The following MALRD1 variants were observed in gnomAD, a reference collection of about 807,000 sequenced individuals.
MALRD1 encodes the protein MAM and LDL receptor class A domain containing 1, also known as MAM and LDL-receptor class A domain-containing protein 1.
Under a neutral mutation model 242.1 loss-of-function variants are expected in MALRD1, and 247 were observed. That is an observed-to-expected ratio of 1.02 (90% CI 0.92 to 1.13). The LOEUF (loss-of-function observed/expected upper bound fraction) is 1.13, where lower values mean the gene tolerates loss of function less well. Ranked by LOEUF, MALRD1 falls within the 50% of genes most tolerant of loss-of-function variation. The pLI, the probability that MALRD1 is intolerant of heterozygous loss-of-function variation, is 0.00. For missense variants in MALRD1, 2,989 were observed against 2,533.1 expected (o/e 1.18, Z -3.86); for synonymous variants, 995 against 866.6 (o/e 1.15, Z -2.60).
At chr10:19,422,251 G>C (rs1479986586) in intron 28 of MALRD1, among the ~76,000 whole-genome samples, 2 of 152,122 alleles carry the variant, frequency 1.3e-5, no homozygotes, top group East Asian at 3.8e-4. Context: ...CAGTACCTTT[G>C]CAATTTTATG....
intron 28 of MALRD1, among the ~76,000 whole-genome samples, chr10:19,422,680 T>C (rs74988061): frequency 0.038 from 5,836 of 152,298 alleles, 323 homozygotes; most frequent in African/African-American, 0.13. Context: ...CTATATTATA[T>C]CATTTTCTAA....
intron 29 of MALRD1, among the ~76,000 whole-genome samples, chr10:19,485,658 A>T (rs1837205230): frequency 6.6e-6 from 1 of 151,314 alleles, no homozygotes; most frequent in African/African-American, 2.4e-5. Context: ...AAAAAAAAAA[A>T]ATAGTAATAA....
intron 33 of MALRD1, among the ~76,000 whole-genome samples, chr10:19,585,360 G>A (rs1736924082): frequency 1.3e-5 from 2 of 151,958 alleles, no homozygotes; most frequent in Admixed American, 1.3e-4. Flanking sequence ...GCAGTGGCTG[G>A]TACCGGTTGT....
chr10:19,188,622 G>A (rs1564453717), intron 14 of MALRD1, among the ~76,000 whole-genome samples: 1 of 152,098 alleles, frequency 6.6e-6, no homozygotes, highest in East Asian at 1.9e-4. Context: ...AGTCTACGGA[G>A]CTACCTTGTT....
chr10:19,438,565 A>G (rs767875746), intron 28 of MALRD1, among the ~76,000 whole-genome samples: 6 of 152,180 alleles, frequency 3.9e-5, no homozygotes, highest in Non-Finnish European at 5.9e-5. Flanking sequence ...TTAGTTTCCT[A>G]TAGAACCTCC....
chr10:19,592,234 A>T (rs757707721), intron 33 of MALRD1, among the ~76,000 whole-genome samples: 46 of 152,314 alleles, frequency 3.0e-4, no homozygotes, highest in South Asian at 1.4e-3. Flanking sequence ...CCTGCAAAGG[A>T]GGGGAGGAAA....
At chr10:19,435,748 C>T (rs2130962822) in intron 28 of MALRD1, among the ~76,000 whole-genome samples, 1 of 152,206 alleles carries the variant, frequency 6.6e-6, no homozygotes, top group East Asian at 1.9e-4. Context: ...AAGTTGCTGT[C>T]CCTTATTTCC....
chr10:19,632,368 C>A (rs1839942403), intron 36 of MALRD1, among the ~76,000 whole-genome samples: 1 of 152,068 alleles, frequency 6.6e-6, no homozygotes, highest in African/African-American at 2.4e-5. Flanking sequence ...GGAAGCCAGC[C>A]AACCAGGCAA....
At chr10:19,063,475 C>T (rs1834882018) in intron 1 of MALRD1, among the ~76,000 whole-genome samples, 1 of 152,068 alleles carries the variant, frequency 6.6e-6, no homozygotes. Context: ...AAAACGTATC[C>T]TACTCATTCC....
At chr10:19,576,964 G>GTGTT (rs1836860737) in intron 33 of MALRD1, among the ~76,000 whole-genome samples, 3 of 123,398 alleles carry the variant, frequency 2.4e-5, no homozygotes, top group South Asian at 2.6e-4. Context: ...CCACATTGTC[G>GTGTT]TTTTTTTTTT....
At chr10:19,253,332 G>T (rs1017877639) in intron 18 of MALRD1, among the ~76,000 whole-genome samples, 22 of 151,972 alleles carry the variant, frequency 1.4e-4, no homozygotes, top group African/African-American at 3.6e-4. Flanking sequence ...TTGAGAAAAA[G>T]ACATGAAAGT....
At chr10:19,559,604 C>G (rs1246868740) in intron 32 of MALRD1, among the ~76,000 whole-genome samples, 2 of 151,962 alleles carry the variant, frequency 1.3e-5, no homozygotes, top group Non-Finnish European at 2.9e-5. Context: ...ACTAAAACAC[C>G]AAAAGCAATG....
intron 14 of MALRD1, among the ~76,000 whole-genome samples, chr10:19,176,854 G>T (rs1219372246): frequency 6.9e-6 from 1 of 144,760 alleles, no homozygotes; most frequent in African/African-American, 2.5e-5. Context: ...GTCTGTGTGT[G>T]TGCGTGCATG....
At chr10:19,615,587 A>G (rs1839117082) in intron 35 of MALRD1, among the ~76,000 whole-genome samples, 1 of 151,596 alleles carries the variant, frequency 6.6e-6, no homozygotes, top group Non-Finnish European at 1.5e-5. Flanking sequence ...TTAAAAAATT[A>G]AACAAGTAAA....
chr10:19,219,683 CAG>C (rs557795301), intron 18 of MALRD1, among the ~76,000 whole-genome samples: 6 of 152,264 alleles, frequency 3.9e-5, no homozygotes, highest in African/African-American at 1.2e-4. Context: ...CTTGGCCTCC[CAG>C]AGTGTTGGGA....
At chr10:19,175,363 CATTGA>C (rs1376600015) in intron 14 of MALRD1, 35 bp downstream of exon 14, 1 of 1,220,786 alleles carries the variant, frequency 8.2e-7, no homozygotes, top group Non-Finnish European at 1.0e-6. Flanking sequence ...CTGTTTTAAA[CATTGA>C]ATTAAGCTCT....
At chr10:19,385,650 G>A (rs534711874) in intron 26 of MALRD1, among the ~76,000 whole-genome samples, 91 of 151,938 alleles carry the variant, frequency 6.0e-4, no homozygotes, top group African/African-American at 2.0e-3. Flanking sequence ...ATCTAGCTAA[G>A]TGTCTGTCAG....
At chr10:19,691,268 G>T (rs1842807271) in intron 36 of MALRD1, among the ~76,000 whole-genome samples, 1 of 152,058 alleles carries the variant, frequency 6.6e-6, no homozygotes, top group South Asian at 2.1e-4. Flanking sequence ...GCTAAAGAAA[G>T]AAAGGCATTC....
At chr10:19,179,569 G>A (rs1317163115) in intron 14 of MALRD1, among the ~76,000 whole-genome samples, 1 of 152,032 alleles carries the variant, frequency 6.6e-6, no homozygotes, top group Non-Finnish European at 1.5e-5. Flanking sequence ...AGTGAGCTGA[G>A]ATCACACCAC....
Sources: gnomAD v4.1 joint callset for allele counts (sites outside exome capture counted in the v4.1 genomes callset) on GRCh38, gnomAD v4.1.1 for gene constraint, MANE v1.5 for transcripts, NCBI Gene and HGNC (gene_info 2026-07-23, HGNC 2026-07-21) for gene names.